PELI2: variants seen among roughly 807,000 people sequenced by gnomAD.
PELI2 encodes the protein pellino E3 ubiquitin protein ligase family member 2, also known as E3 ubiquitin-protein ligase pellino homolog 2.
In PELI2, 23 loss-of-function variants were observed where a neutral mutation model predicts 42.3. That is an observed-to-expected ratio of 0.54 (90% CI 0.39 to 0.77). The LOEUF is 0.77. Ranked by LOEUF, PELI2 falls within the 30% of genes least tolerant of loss-of-function variation. The probability of loss-of-function intolerance (pLI) is 0.00; values close to 1 mark genes in which losing one functional copy is unlikely to be tolerated. For missense variants in PELI2, 463 were observed against 553.2 expected (o/e 0.84, Z 1.64); for synonymous variants, 245 against 212.2 (o/e 1.15, Z -1.34).
At chr14:56,296,562 T>C (rs762615189) in intron 5 of PELI2, 38 bp from the exon 6 acceptor site, 1 of 1,369,744 alleles carries the variant, frequency 7.3e-7, no homozygotes, top group Non-Finnish European at 1.0e-6. Context: ...TTTGCTTGAT[T>C]TTGCTTTTAA....
chr14:56,145,459 G>T (rs753380339), intron 1 of PELI2, among the ~76,000 whole-genome samples: 19 of 152,154 alleles, frequency 1.2e-4, no homozygotes, highest in Non-Finnish European at 2.6e-4. Context: ...TTTTGAAATA[G>T]TTCAGTGAAT....
chr14:56,262,239 T>C (rs753232386), intron 2 of PELI2, among the ~76,000 whole-genome samples: 4 of 152,226 alleles, frequency 2.6e-5, no homozygotes, highest in Non-Finnish European at 5.9e-5. Flanking sequence ...CCCTGGTATT[T>C]TTAGCTGCAG....
At chr14:56,182,892 T>C (rs953408653) in intron 2 of PELI2, among the ~76,000 whole-genome samples, 1 of 152,200 alleles carries the variant, frequency 6.6e-6, no homozygotes, top group Non-Finnish European at 1.5e-5. Context: ...TCACTGTCTG[T>C]CTGCCGAGCC....
intron 2 of PELI2, among the ~76,000 whole-genome samples, chr14:56,224,782 C>T (rs942503091): frequency 1.1e-4 from 17 of 152,016 alleles, no homozygotes; most frequent in African/African-American, 4.1e-4. Context: ...CTTTTTTTCA[C>T]TGGACTTGTG....
chr14:56,251,663 C>T (rs187532312), intron 2 of PELI2, among the ~76,000 whole-genome samples: 304 of 152,306 alleles, frequency 2.0e-3, no homozygotes, highest in Non-Finnish European at 3.5e-3. Context: ...CCTGCAGCCT[C>T]TGCAATTGGT....
intron 1 of PELI2, 82 bp downstream of exon 1, chr14:56,118,819 C>G: frequency 3.1e-6 from 3 of 973,532 alleles, no homozygotes; most frequent in Non-Finnish European, 4.3e-6. Context: ...CGGGGTGGCT[C>G]GGTGCTCTTT....
At chr14:56,134,758 G>A (rs1883624997) in intron 1 of PELI2, among the ~76,000 whole-genome samples, 1 of 150,598 alleles carries the variant, frequency 6.6e-6, no homozygotes, top group Non-Finnish European at 1.5e-5. Flanking sequence ...TGAGGAACCA[G>A]TAATCTTGTC....
chr14:56,252,494 CA>C (rs1470283922), intron 2 of PELI2, among the ~76,000 whole-genome samples: 1 of 152,148 alleles, frequency 6.6e-6, no homozygotes, highest in South Asian at 2.1e-4. Flanking sequence ...GTTGGTGAAA[CA>C]CCTTCTTTGT....
chr14:56,300,676 T>G lies in PELI2; in HGVS notation c.*3510T>G, dbSNP rs1890146769. On this transcript the variant is annotated 3_prime_UTR_variant, in exon 6 of 6. Transcript: ENST00000267460. Reference sequence around the variant, plus strand: ...ACCATTGTTAATGCTGGGTAAAAACTATCTTCTTGCAGCCTTGCCTCATAA... The same window carrying G: ...ACCATTGTTAATGCTGGGTAAAAACGATCTTCTTGCAGCCTTGCCTCATAA... The G allele has an allele frequency of 1.3e-5, 2 of 152,212 alleles. No homozygotes were observed. The highest frequency in any genetic ancestry group is 4.8e-5 in the African/African-American group (2 of 41,454). The allele number at this position is 152,212 out of a possible 1,614,324, so 9.4% of individuals were successfully genotyped here.
At chr14:56,208,747 G>C (rs1221780069) in intron 2 of PELI2, among the ~76,000 whole-genome samples, 1 of 152,216 alleles carries the variant, frequency 6.6e-6, no homozygotes, top group Admixed American at 6.5e-5. Flanking sequence ...ACCAAAGCAT[G>C]ATGGTTATCT....
chr14:56,294,933 T>A (rs1889950960), intron 5 of PELI2, among the ~76,000 whole-genome samples: 1 of 152,208 alleles, frequency 6.6e-6, no homozygotes, highest in South Asian at 2.1e-4. Flanking sequence ...AGTCGTTGAC[T>A]CAAGACCACA....
chr14:56,297,008 T>C lies in PELI2; in HGVS notation c.1105T>C (p.Cys369Arg). The C allele has an allele frequency of 6.2e-7, 1 of 1,614,148 alleles. No homozygotes were observed. The highest frequency in any genetic ancestry group is 8.5e-7 in the Non-Finnish European group (1 of 1,180,030). ...AGPPTHAFTP[C>R]GHVCSEKSAK... is the part of the protein sequence containing the mutation. ...ACCGCCAACTCATGCTTTCACTCCC[T>C]GTGGACACGTGTGCTCGGAGAAGTC... The change falls in exon 6 of 6, where the codon TGT becomes CGT. Residue 369 changes from cysteine (C) to arginine (R), a missense_variant. Coordinates refer to ENST00000267460, the MANE Select transcript of PELI2 (RefSeq NM_021255.3).
intron 2 of PELI2, 83 bp downstream of exon 2, chr14:56,178,547 C>T (rs17762499): frequency 0.14 from 211,066 of 1,474,632 alleles, 16,452 homozygotes; most frequent in Non-Finnish European, 0.16. Context: ...TCTTTCCTTT[C>T]GTCTTTTCAT....
chr14:56,159,887 T>A (rs1454029454), intron 1 of PELI2, among the ~76,000 whole-genome samples: 1 of 151,968 alleles, frequency 6.6e-6, no homozygotes, highest in Non-Finnish European at 1.5e-5. Context: ...TTCAGAACAA[T>A]AAAAACATCT....
intron 2 of PELI2, among the ~76,000 whole-genome samples, chr14:56,275,764 G>A (rs995668371): frequency 4.6e-5 from 7 of 152,188 alleles, no homozygotes; most frequent in African/African-American, 1.7e-4. Flanking sequence ...ATAGCAGCCT[G>A]TGGCCCAGGG....
chr14:56,155,364 T>C (rs553414166), intron 1 of PELI2, among the ~76,000 whole-genome samples: 14 of 152,172 alleles, frequency 9.2e-5, no homozygotes, highest in Non-Finnish European at 2.1e-4. Context: ...TTTGAGTATT[T>C]TAGAATTTAT....
chr14:56,159,840 T>C lies in PELI2; in HGVS notation c.78-18495T>C, dbSNP rs1270737606. Among the ~76,000 whole-genome samples the C allele has an allele frequency of 3.3e-5, 5 of 152,146 alleles. No individual in the cohort carries two copies. The East Asian group carries it at 7.7e-4, about 23-fold the overall frequency. ...CTTCAAGTTGGTCAGTGAAAAGTGC[T>C]CTGCTGTTGACCCTCCAGCAATGCT... On this transcript the variant is annotated intron_variant, in intron 1 of 5. Coordinates refer to ENST00000267460, the MANE Select transcript of PELI2 (RefSeq NM_021255.3).
At chr14:56,201,247 G>T (rs1204880325) in intron 2 of PELI2, among the ~76,000 whole-genome samples, 3 of 152,162 alleles carry the variant, frequency 2.0e-5, no homozygotes, top group Non-Finnish European at 4.4e-5. Flanking sequence ...TGGATTTGCT[G>T]GTGGTTTTTC....
At chr14:56,170,592 C>G (rs1480718773) in intron 1 of PELI2, among the ~76,000 whole-genome samples, 1 of 152,164 alleles carries the variant, frequency 6.6e-6, no homozygotes, top group Non-Finnish European at 1.5e-5. Context: ...TGTGATCAGC[C>G]ATTCTGAGCC....
Sources: allele counts gnomAD v4.1 joint callset (sites outside exome capture counted in the v4.1 genomes callset), GRCh38; gene constraint gnomAD v4.1.1; transcripts MANE v1.5; gene names NCBI Gene and HGNC (gene_info 2026-07-23, HGNC 2026-07-21).